Variants in EIF2B3 observed in about 807,000 individuals in gnomAD.
The protein encoded by EIF2B3 is translation initiation factor eIF2B subunit gamma.
EIF2B3 carries 20 observed loss-of-function variants against 54.1 expected under a neutral mutation model. The ratio of observed to expected loss-of-function variants is 0.37; its 90% confidence interval spans 0.26 to 0.54. EIF2B3 has a LOEUF of 0.54. EIF2B3 is among the 20% of genes least tolerant of loss of function. The pLI is 0.86. For synonymous variants in EIF2B3, 153 were observed against 188.1 expected (o/e 0.81, Z 1.52); for missense variants, 448 against 547.8 (o/e 0.82, Z 1.82).
At chr1:44,929,203 T>G (rs760630699) in intron 4 of EIF2B3, among the ~76,000 whole-genome samples, 3 of 152,248 alleles carry the variant, frequency 2.0e-5, no homozygotes, top group Admixed American at 1.3e-4. Context: ...CCTCTTTACA[T>G]AGGAGAAACA....
chr1:44,963,278 CTTT>C (rs373810618), intron 3 of EIF2B3, among the ~76,000 whole-genome samples: 2 of 143,478 alleles, frequency 1.4e-5, no homozygotes, highest in African/African-American at 5.1e-5. Context: ...GGGGGGAAAT[CTTT>C]TTTTTTTTTG....
intron 5 of EIF2B3, among the ~76,000 whole-genome samples, chr1:44,905,794 AAT>A (rs1643400633): frequency 6.6e-6 from 1 of 152,338 alleles, no homozygotes; most frequent in South Asian, 2.1e-4. Flanking sequence ...TGATGGAATA[AAT>A]AGGTACTACA....
chr1:44,925,926 A>T (rs531286149), intron 5 of EIF2B3, among the ~76,000 whole-genome samples: 1 of 150,784 alleles, frequency 6.6e-6, no homozygotes, highest in Admixed American at 6.6e-5. Flanking sequence ...TCCCTCTCCA[A>T]AAAAAAAGGC....
chr1:44,902,829 TAAAAAAAA>T lies in EIF2B3; in HGVS notation c.567-5393_567-5386del, dbSNP rs11458839. Among the ~76,000 whole-genome samples, 15 of 85,460 alleles carry T rather than the reference TAAAAAAAA, an allele frequency of 1.8e-4. No individual in the cohort carries two copies. The South Asian group carries it at 3.0e-3, about 17-fold the overall frequency. The allele number at this position is 85,460 out of a possible 152,430, so 56.1% of individuals were successfully genotyped here. On this transcript the variant is annotated intron_variant, in intron 5 of 11. Transcript: ENST00000360403. ...GGCAACAGAAAAGAGACTCTTTCTTTAAAAAAAAAAAAAAAAAAAAAAAAAAAGAAAGC... is the reference window on the plus strand; with the variant it reads ...GGCAACAGAAAAGAGACTCTTTCTTTAAAAAAAAAAAAAAAAAAAGAAAGC...
At chr1:44,868,786 T>C (rs1654868378) in intron 10 of EIF2B3, among the ~76,000 whole-genome samples, 1 of 152,196 alleles carries the variant, frequency 6.6e-6, no homozygotes, top group Non-Finnish European at 1.5e-5. Context: ...AAGGCAAGTG[T>C]AGTTCTGGTT....
chr1:44,927,828 T>A (rs1256804150), intron 4 of EIF2B3, among the ~76,000 whole-genome samples: 3 of 151,958 alleles, frequency 2.0e-5, no homozygotes, highest in Non-Finnish European at 1.5e-5. Flanking sequence ...TCATATATAT[T>A]ATATTATGTA....
At chr1:44,954,140 G>T (rs1201995549) in intron 3 of EIF2B3, among the ~76,000 whole-genome samples, 2 of 152,134 alleles carry the variant, frequency 1.3e-5, no homozygotes, top group African/African-American at 4.8e-5. Context: ...TCATATCTAT[G>T]CAGCAAAAAA....
intron 3 of EIF2B3, among the ~76,000 whole-genome samples, chr1:44,959,904 G>A (rs754186394): frequency 8.5e-5 from 13 of 152,172 alleles, no homozygotes; most frequent in Non-Finnish European, 1.6e-4. Flanking sequence ...TATGCTACAC[G>A]TCACTTTGAA....
At chr1:44,982,302 A>T (rs1179754175) in intron 1 of EIF2B3, among the ~76,000 whole-genome samples, 3 of 152,166 alleles carry the variant, frequency 2.0e-5, no homozygotes, top group Non-Finnish European at 4.4e-5. Context: ...ATCTTTATTT[A>T]TGTATTTATT....
chr1:44,977,990 A>C lies in EIF2B3; in HGVS notation c.294+325T>G, dbSNP rs151081355. Among the ~76,000 whole-genome samples the C allele has an allele frequency of 2.6e-5, 4 of 152,342 alleles. No homozygotes were observed. The East Asian group carries it at 7.7e-4, about 29-fold the overall frequency. On this transcript the variant is annotated intron_variant, in intron 3 of 11. Transcript: ENST00000360403. ...CGTGATGGCTCACGCCTGTAATCCC[A>C]GCACTTTGGAAGGCCGAGGAGGGTG...
At chr1:44,896,768 G>T (rs1263722362) in intron 6 of EIF2B3, among the ~76,000 whole-genome samples, 1 of 152,118 alleles carries the variant, frequency 6.6e-6, no homozygotes, top group African/African-American at 2.4e-5. Flanking sequence ...ACTCAAGTCC[G>T]GTGATCTGCC....
At chr1:44,860,853 C>T (rs375506731) in intron 10 of EIF2B3, among the ~76,000 whole-genome samples, 12 of 152,192 alleles carry the variant, frequency 7.9e-5, no homozygotes, top group African/African-American at 2.6e-4. Context: ...AGGAAAAATT[C>T]CCAACCCAAG....
chr1:44,944,671 T>A (rs192400912), intron 3 of EIF2B3, among the ~76,000 whole-genome samples: 225 of 152,094 alleles, frequency 1.5e-3, no homozygotes, highest in African/African-American at 5.1e-3. Flanking sequence ...TAAAATTTTT[T>A]AAAAGTTAGC....
intron 5 of EIF2B3, among the ~76,000 whole-genome samples, chr1:44,904,219 G>A (rs889353253): frequency 1.3e-5 from 2 of 152,142 alleles, no homozygotes; most frequent in African/African-American, 4.8e-5. Flanking sequence ...AGAACAGAAT[G>A]AAGAAAACCC....
At chr1:44,868,415 A>G (rs952652035) in intron 10 of EIF2B3, among the ~76,000 whole-genome samples, 5 of 151,312 alleles carry the variant, frequency 3.3e-5, no homozygotes, top group Non-Finnish European at 5.9e-5. Context: ...AAAAAAAAAA[A>G]AAAAAAGAAA....
At chr1:44,852,375 A>G (rs1654299301) in intron 11 of EIF2B3, among the ~76,000 whole-genome samples, 1 of 152,094 alleles carries the variant, frequency 6.6e-6, no homozygotes, top group Non-Finnish European at 1.5e-5. Flanking sequence ...CACCTCTAAT[A>G]TGCGATGCCT....
intron 8 of EIF2B3, among the ~76,000 whole-genome samples, chr1:44,877,201 A>AAAC (rs1655200994): frequency 6.9e-6 from 1 of 144,184 alleles, no homozygotes; most frequent in East Asian, 2.0e-4. Context: ...ATAAAAAAAA[A>AAAC]AAAAAAAAAA....
At chr1:44,969,699 G>A (rs1644380966) in intron 3 of EIF2B3, among the ~76,000 whole-genome samples, 1 of 152,166 alleles carries the variant, frequency 6.6e-6, no homozygotes. Context: ...GATGCTGGGT[G>A]ACAGATAAAT....
chr1:44,873,635 TTTTA>T (rs1374466500), intron 10 of EIF2B3, among the ~76,000 whole-genome samples: 2 of 151,934 alleles, frequency 1.3e-5, no homozygotes, highest in South Asian at 2.1e-4. Context: ...GTGTTTTATT[TTTTA>T]TTTATTTATT....
Sources: allele counts gnomAD v4.1 joint callset (sites outside exome capture counted in the v4.1 genomes callset), GRCh38; gene constraint gnomAD v4.1.1; transcripts MANE v1.5; gene names NCBI Gene and HGNC (gene_info 2026-07-23, HGNC 2026-07-21).